Variants in MDFIC2 observed in about 807,000 individuals in gnomAD.
MDFIC2 encodes the protein MyoD family inhibitor domain containing 2.
At chr3:70,290,161 C>T (rs1702217721) in intron 2 of MDFIC2, among the ~76,000 whole-genome samples, 1 of 147,084 alleles carries the variant, frequency 6.8e-6, no homozygotes, top group East Asian at 1.9e-4. Flanking sequence ...TCCAGTTTTT[C>T]TGTTCTGTTT....
chr3:70,276,052 A>G (rs1702022711), intron 2 of MDFIC2, among the ~76,000 whole-genome samples: 1 of 152,170 alleles, frequency 6.6e-6, no homozygotes, highest in Non-Finnish European at 1.5e-5. Flanking sequence ...AAAAAAAAGT[A>G]TATATACTCT....
rs142793771 is a variant in MDFIC2 at position 70,195,319 on chromosome 3, C to T, written c.*1607G>A. 6.4e-4 allele frequency among the ~76,000 whole-genome samples: 98 copies of T among 152,218 alleles called. No homozygotes were observed. The highest frequency in any genetic ancestry group is 2.2e-3 in the African/African-American group (91 of 41,530). On this transcript the variant is annotated 3_prime_UTR_variant, in exon 4 of 4. Transcript: ENST00000567252. ...ACTTTTTCATGGAAGGTGTGGGGCA[C>T]TTTCATGCTCCGTGGTTTGTGAATA...
chr3:70,309,521 G>A (rs927747306), intron 2 of MDFIC2, among the ~76,000 whole-genome samples: 1 of 152,124 alleles, frequency 6.6e-6, no homozygotes, highest in African/African-American at 2.4e-5. Flanking sequence ...GGAAATTGAG[G>A]CTCAGGGAGA....
intron 2 of MDFIC2, among the ~76,000 whole-genome samples, chr3:70,256,657 C>A (rs543500221): frequency 2.0e-5 from 3 of 152,156 alleles, no homozygotes; most frequent in African/African-American, 7.2e-5. Flanking sequence ...CCATGAGATG[C>A]GTCCCTCCTT....
At chr3:70,199,346 C>T (rs1252119276) in intron 3 of MDFIC2, among the ~76,000 whole-genome samples, 1 of 151,988 alleles carries the variant, frequency 6.6e-6, no homozygotes, top group East Asian at 1.9e-4. Flanking sequence ...GAGGTCTCCT[C>T]TTCTAATGTA....
At chr3:70,261,462 T>C (rs534304645) in intron 2 of MDFIC2, among the ~76,000 whole-genome samples, 139 of 152,288 alleles carry the variant, frequency 9.1e-4, no homozygotes, top group African/African-American at 3.2e-3. Context: ...CCCTCCATGG[T>C]TGTGTTTGTA....
At chr3:70,296,651 C>T (rs1006366343) in intron 2 of MDFIC2, among the ~76,000 whole-genome samples, 1 of 152,064 alleles carries the variant, frequency 6.6e-6, no homozygotes, top group East Asian at 1.9e-4. Flanking sequence ...TCTTCCATTC[C>T]CACAGCCAAT....
chr3:70,301,502 T>C (rs1702348620), intron 2 of MDFIC2, among the ~76,000 whole-genome samples: 1 of 152,138 alleles, frequency 6.6e-6, no homozygotes, highest in Admixed American at 6.6e-5. Flanking sequence ...GGAATCTCTG[T>C]GTATTCCTTG....
chr3:70,241,187 TA>T (rs1701664911), intron 2 of MDFIC2, among the ~76,000 whole-genome samples: 2 of 152,132 alleles, frequency 1.3e-5, no homozygotes, highest in Non-Finnish European at 2.9e-5. Flanking sequence ...GAAGAATTGC[TA>T]GAACGGTTCC....
chr3:70,205,856 A>G (rs896748730), intron 3 of MDFIC2: 1 of 152,112 alleles, frequency 6.6e-6, no homozygotes, highest in Non-Finnish European at 1.5e-5. Flanking sequence ...TGAACACTAC[A>G]AAATCTTGAA....
At chr3:70,255,160 A>C (rs1307296408) in intron 2 of MDFIC2, among the ~76,000 whole-genome samples, 1 of 152,236 alleles carries the variant, frequency 6.6e-6, no homozygotes. Context: ...TTGGTATCAA[A>C]GAAGTTAATT....
chr3:70,243,475 G>A (rs958130364), intron 2 of MDFIC2, among the ~76,000 whole-genome samples: 6 of 152,126 alleles, frequency 3.9e-5, no homozygotes, highest in Admixed American at 1.3e-4. Flanking sequence ...TCACTGCACT[G>A]CTGCTGAATG....
chr3:70,222,464 CA>C, intron 2 of MDFIC2, among the ~76,000 whole-genome samples: 1 of 152,282 alleles, frequency 6.6e-6, no homozygotes, highest in East Asian at 1.9e-4. Flanking sequence ...TATGTGCTTA[CA>C]AGTTAGCACT....
intron 2 of MDFIC2, among the ~76,000 whole-genome samples, chr3:70,239,393 T>C (rs1343447987): frequency 6.6e-6 from 1 of 152,152 alleles, no homozygotes; most frequent in Non-Finnish European, 1.5e-5. Flanking sequence ...TTCTCCACCA[T>C]TCAGGATGTT....
Position 70,260,664 on chromosome 3 carries a change from C to T in MDFIC2, c.88+51222G>A, listed in dbSNP as rs538975853. Among the ~76,000 whole-genome samples, 4 of 152,160 alleles carry T rather than the reference C, an allele frequency of 2.6e-5. No homozygotes were observed. The South Asian group carries it at 8.3e-4, about 32-fold the overall frequency. ...AAGGTTACAACTTCTGTCAGACTGC[C>T]CTCTTTATACAGCTGTTCTCTCCAG... On this transcript the variant is annotated intron_variant, in intron 2 of 3. Coordinates refer to ENST00000567252, the MANE Select transcript of MDFIC2 (RefSeq NM_001364677.1).
At chr3:70,245,424 A>G (rs1701697586) in intron 2 of MDFIC2, among the ~76,000 whole-genome samples, 1 of 151,592 alleles carries the variant, frequency 6.6e-6, no homozygotes, top group African/African-American at 2.4e-5. Flanking sequence ...TGATTCTTGG[A>G]AAATCACAAA....
At chr3:70,287,264 T>C (rs1214252820) in intron 2 of MDFIC2, among the ~76,000 whole-genome samples, 1 of 140,844 alleles carries the variant, frequency 7.1e-6, no homozygotes, top group Non-Finnish European at 1.5e-5. Flanking sequence ...GTTTTTAGCA[T>C]GAAGGGTTGT....
chr3:70,237,330 T>C lies in MDFIC2; in HGVS notation c.89-30540A>G, dbSNP rs1275346790. On this transcript the variant is annotated intron_variant, in intron 2 of 3. Transcript: ENST00000567252. ...CCTCTATTAATGAATGCTTAAACAC[T>C]ACCTTGCTATGTTTATTTCCCATCC... Among the ~76,000 whole-genome samples the C allele has an allele frequency of 2.0e-5, 3 of 152,212 alleles. No individual in the cohort carries two copies. In the East Asian group the frequency reaches 5.8e-4, roughly 29 times the overall value.
intron 2 of MDFIC2, among the ~76,000 whole-genome samples, chr3:70,248,921 A>G (rs1701733512): frequency 6.6e-6 from 1 of 152,170 alleles, no homozygotes; most frequent in African/African-American, 2.4e-5. Flanking sequence ...TGGGCTAAGA[A>G]GCTTTAAGAC....
Sources: gnomAD v4.1 joint callset for allele counts (sites outside exome capture counted in the v4.1 genomes callset) on GRCh38, gnomAD v4.1.1 for gene constraint, MANE v1.5 for transcripts, NCBI Gene and HGNC (gene_info 2026-07-23, HGNC 2026-07-21) for gene names.